TRIM34: variants seen among roughly 807,000 people sequenced by gnomAD.
The protein encoded by TRIM34 is E3 ubiquitin-protein ligase TRIM34.
In TRIM34, 41 loss-of-function variants were observed where a neutral mutation model predicts 38.1. The ratio of observed to expected loss-of-function variants is 1.08; its 90% CI spans 0.84 to 1.40. The LOEUF is 1.40. Among genes scored for constraint, TRIM34 ranks in the 40% most tolerant of loss-of-function variants. The probability of loss-of-function intolerance (pLI) is 0.00; values close to 1 mark genes in which losing one functional copy is unlikely to be tolerated. For synonymous variants in TRIM34, 200 were observed against 202.5 expected (o/e 0.99, Z 0.10); for missense variants, 556 against 571.4 (o/e 0.97, Z 0.27).
chr11:5,626,306 A>C (rs1016366224), intron 1 of TRIM34, among the ~76,000 whole-genome samples: 1 of 152,220 alleles, frequency 6.6e-6, no homozygotes, highest in South Asian at 2.1e-4. Flanking sequence ...GTGATCATAG[A>C]CCATATCGAT....
At chr11:5,638,929 T>C (rs945624622) in intron 4 of TRIM34, among the ~76,000 whole-genome samples, 5 of 152,200 alleles carry the variant, frequency 3.3e-5, no homozygotes, top group Admixed American at 2.6e-4. Context: ...CTGGTGCTTA[T>C]ATACATTTTA....
At chr11:5,642,987 C>T (rs1850082441) in intron 7 of TRIM34, 144 bp downstream of exon 7, 1 of 1,360,062 alleles carries the variant, frequency 7.4e-7, no homozygotes, top group African/African-American at 1.5e-5. Flanking sequence ...AGTGTTTTAC[C>T]CCTCCAATTC....
chr11:5,642,279 C>A, intron 5 of TRIM34, 127 bp from the exon 6 acceptor site: 1 of 753,000 alleles, frequency 1.3e-6, no homozygotes, highest in Non-Finnish European at 2.1e-6. Context: ...CTCCCTTCTC[C>A]CCCTCCTCAG....
rs1849516386 is a variant in TRIM34 at position 5,632,339 on chromosome 11, C to T, written c.8C>T (p.Ser3Leu). The T allele has an allele frequency of 1.2e-6, 2 of 1,614,008 alleles. No individual in the cohort carries two copies. Among genetic ancestry groups the T allele is most frequent in the East Asian group, 2.2e-5 (1 of 44,850 alleles). MA[S>L]KILLNVQEEV... The stretch of plus-strand genomic sequence containing the variant: ...AGCCAGGGAAGCAGTGCAATGGCTT[C>T]AAAAATCTTGCTTAACGTACAAGAG... The change falls in exon 2 of 8, where the codon TCA (serine) becomes TTA (leucine). Residue 3 changes from serine (S) to leucine (L), a missense_variant. Coordinates refer to ENST00000429814, the MANE Select transcript of TRIM34 (RefSeq NM_021616.6).
intron 1 of TRIM34, among the ~76,000 whole-genome samples, chr11:5,630,072 C>A (rs944924107): frequency 1.1e-4 from 17 of 152,092 alleles, no homozygotes; most frequent in African/African-American, 3.1e-4. Context: ...ACTAACGTAG[C>A]TTAGGTAAAT....
upstream of TRIM34, among the ~76,000 whole-genome samples, chr11:5,621,722 C>T (rs985516488): frequency 2.0e-5 from 3 of 152,132 alleles, no homozygotes; most frequent in Non-Finnish European, 2.9e-5. Context: ...CAAAGTCATC[C>T]CTCTGCTCAC....
In TRIM34 at chr11:5,643,660, A is replaced by G. The variant is rs1180075782; in HGVS notation, c.1418A>G (p.Asn473Ser). 4 of 1,613,488 alleles carry G rather than the reference A, an allele frequency of 2.5e-6. No individual in the cohort carries two copies. Among genetic ancestry groups the G allele is most frequent in the Middle Eastern group, 1.6e-4 (1 of 6,078 alleles). ...CFSQPVYPYF[N>S]PWNCPAPMTL... ...TCTCAGCCTGTTTATCCATATTTCA[A>G]TCCTTGGAACTGTCCAGCTCCCATG... Residue 473 changes from asparagine to serine, a missense_variant, in exon 8 of 8, where the codon AAT becomes AGT. Asn to Ser is a conservative substitution (Grantham distance 46, BLOSUM62 1). Transcript: ENST00000429814.
In TRIM34 at chr11:5,643,184, T is replaced by C. The variant is rs1590190576; in HGVS notation, c.942T>C (p.Leu314=). Residue 314 remains leucine, a synonymous_variant, in exon 8 of 8, where the codon CTT becomes CTC. Coordinates refer to ENST00000429814, the MANE Select transcript of TRIM34 (RefSeq NM_021616.6). ...ATTCAGTCAACCTAAATTTGAATCT[T>C]GTCCTTTCAGAAGATCAGAGACAAG... The part of the protein sequence containing the change: ...TLNSVNLNLN[L]VLSEDQRQVI... 6.3e-7 allele frequency: 1 copy of C among 1,593,896 alleles called. No individual in the cohort carries two copies. The highest frequency in any genetic ancestry group is 2.3e-5 in the East Asian group (1 of 44,430).
chr11:5,622,161 C>A (rs1207917810), upstream of TRIM34, among the ~76,000 whole-genome samples: 1 of 152,044 alleles, frequency 6.6e-6, no homozygotes. Context: ...AAGGAAAAAA[C>A]TCAGCTGGGC....
chr11:5,633,536 G>C (rs957908208), intron 2 of TRIM34, among the ~76,000 whole-genome samples: 1 of 152,154 alleles, frequency 6.6e-6, no homozygotes, highest in Non-Finnish European at 1.5e-5. Flanking sequence ...ATTGATAAGA[G>C]GAAAGGACTT....
intron 1 of TRIM34, chr11:5,626,643 G>C (rs1005244028): frequency 5.3e-5 from 8 of 152,174 alleles, no homozygotes; most frequent in Non-Finnish European, 1.0e-4. Context: ...ACTTAGGGAG[G>C]ACAAGGCAGG....
Position 5,634,655 on chromosome 11 carries a change from A to G in TRIM34, c.544A>G (p.Arg182Gly). ...GTATCAGGTACAAACTGAGAGACAA[A>G]GGATACAAACAGAATTTGATCAGCT... ...WKYQVQTERQ[R>G]IQTEFDQLRS... The change falls in exon 4 of 8, where the codon AGG (arginine) becomes GGG (glycine). Residue 182 changes from arginine to glycine, a missense_variant. Coordinates refer to ENST00000429814, the MANE Select transcript of TRIM34 (RefSeq NM_021616.6). 1 of 1,613,496 alleles carries G rather than the reference A, an allele frequency of 6.2e-7. No homozygotes were observed. The highest frequency in any genetic ancestry group is 2.2e-5 in the East Asian group (1 of 44,872).
At chr11:5,620,696 G>A (rs994302272), upstream of TRIM34, among the ~76,000 whole-genome samples, 8 of 152,054 alleles carry the variant, frequency 5.3e-5, no homozygotes, top group African/African-American at 1.4e-4. Context: ...CGGTGGGAGG[G>A]GCAGAAGTAC....
At chr11:5,639,251 G>A (rs74051044) in intron 4 of TRIM34, among the ~76,000 whole-genome samples, 6,137 of 152,170 alleles carry the variant, frequency 0.04, 394 homozygotes, top group African/African-American at 0.14. Context: ...TTATAGTAAA[G>A]GGTTAAGGGA....
chr11:5,642,949 C>A, intron 7 of TRIM34, 106 bp downstream of exon 7: 3 of 1,495,398 alleles, frequency 2.0e-6, no homozygotes, highest in African/African-American at 2.8e-5. Flanking sequence ...TCAGCACCTC[C>A]CAAAACATTT....
chr11:5,628,027 A>T (rs1340063003), intron 1 of TRIM34, among the ~76,000 whole-genome samples: 1 of 152,194 alleles, frequency 6.6e-6, no homozygotes, highest in Non-Finnish European at 1.5e-5. Context: ...TGTCAGGCCA[A>T]TGGCACTCAT....
At chr11:5,625,936 G>A (rs7119257) in intron 1 of TRIM34, among the ~76,000 whole-genome samples, 99,527 of 152,196 alleles carry the variant, frequency 0.65, 33,204 homozygotes, top group East Asian at 0.92. Flanking sequence ...AGGAGCCCAC[G>A]GATTTAATCT....
intron 1 of TRIM34, chr11:5,626,567 T>C (rs1849244640): frequency 6.6e-6 from 1 of 151,968 alleles, no homozygotes; most frequent in Non-Finnish European, 1.5e-5. Context: ...AAGATGGGAG[T>C]GTGCCTGGAG....
chr11:5,628,894 T>G (rs1849359774), intron 1 of TRIM34, among the ~76,000 whole-genome samples: 1 of 152,106 alleles, frequency 6.6e-6, no homozygotes, highest in Admixed American at 6.6e-5. Context: ...TCGGCATTCT[T>G]TGGCTTATAT....
Sources: gnomAD v4.1 joint callset for allele counts (sites outside exome capture counted in the v4.1 genomes callset) on GRCh38, gnomAD v4.1.1 for gene constraint, MANE v1.5 for transcripts, NCBI Gene and HGNC (gene_info 2026-07-23, HGNC 2026-07-21) for gene names.